The following PTPN23 variants were observed in gnomAD, a reference collection of about 807,000 sequenced individuals.
PTPN23 encodes the protein tyrosine-protein phosphatase non-receptor type 23.
A neutral mutation model predicts 156.3 loss-of-function variants in PTPN23; 72 were observed. The ratio of observed to expected loss-of-function variants is 0.46; its 90% confidence interval spans 0.38 to 0.56. PTPN23 has a LOEUF of 0.56. Among genes scored for constraint, PTPN23 ranks in the 20% least tolerant of loss-of-function variants. The probability of loss-of-function intolerance (pLI) is 0.00; values close to 1 mark genes in which losing one functional copy is unlikely to be tolerated. For missense variants in PTPN23, 1,974 were observed against 2,171.5 expected, an observed-to-expected ratio of 0.91 and a Z score of 1.81; for synonymous variants, 957 against 899.6, an observed-to-expected ratio of 1.06 and a Z score of -1.14.
chr3:47,388,550 A>G (rs1045624758), intron 1 of PTPN23, among the ~76,000 whole-genome samples: 16 of 152,294 alleles, frequency 1.1e-4, no homozygotes, highest in African/African-American at 3.6e-4. Flanking sequence ...AGTATCCATT[A>G]CCACAAGCAT....
Position 47,411,971 on chromosome 3 carries a change from A to G in PTPN23, c.4073+4A>G, listed in dbSNP as rs761958861. 6.2e-7 allele frequency: 1 copy of G among 1,610,302 alleles called. No homozygotes were observed. The highest frequency in any genetic ancestry group is 1.1e-5 in the South Asian group (1 of 90,578). On this transcript the variant is annotated splice_donor_region_variant and intron_variant, in intron 21 of 24. Coordinates refer to ENST00000265562, the MANE Select transcript of PTPN23 (RefSeq NM_015466.4). This position sits in a 1 kb window ranked among gnomAD's most constrained non-coding sequence, Gnocchi z 6.3. ...ACTTCCCCACTTGGCCTGAGTTGTG[A>G]GTCCACTGCTCTGGATGGTGGTTGG...
In PTPN23 at chr3:47,381,199, T is replaced by A; in HGVS notation, c.84+19T>A. 1 of 1,566,404 alleles carries A rather than the reference T, an allele frequency of 6.4e-7. No homozygotes were observed. Among genetic ancestry groups the A allele is most frequent in the Non-Finnish European group, 8.7e-7 (1 of 1,156,012 alleles). On this transcript the variant is annotated intron_variant, in intron 1 of 24. Coordinates refer to ENST00000265562, the MANE Select transcript of PTPN23 (RefSeq NM_015466.4). ...GAAGAAGGTGAGCTTGCCTTCCATC[T>A]TCCCCCCTATCCGCCGCGTATCTCC... is the stretch of plus-strand genomic sequence containing the variant.
rs1704571843 is a variant in PTPN23 at position 47,382,691 on chromosome 3, T to TC, written c.84+1511_84+1512insC. Reference sequence around the variant, plus strand: ...TTTCTTTTTCTTTTCTTTTTTTTTTTTTTTTTTTTTTTTTTGAGACGGAGT... The same window carrying TC: ...TTTCTTTTTCTTTTCTTTTTTTTTTTCTTTTTTTTTTTTTTTGAGACGGAGT... On this transcript the variant is annotated intron_variant, in intron 1 of 24. Coordinates refer to ENST00000265562, the MANE Select transcript of PTPN23 (RefSeq NM_015466.4). Among the ~76,000 whole-genome samples, 4 of 104,664 alleles carry TC rather than the reference T, an allele frequency of 3.8e-5. 1 individual carries two copies. Among genetic ancestry groups the TC allele is most frequent in the Admixed American group, 1.9e-4 (2 of 10,292 alleles). 68.7% of individuals were successfully genotyped at this position (104,664 alleles called of 152,430 possible).
In PTPN23 at chr3:47,409,318, G is replaced by C. The variant is rs918965590; in HGVS notation, c.1797+1G>C. ...CACCACAGACCACTCAGAGATGAAG[G>C]TGGGCTGGGTGAGCAGGGTAGAGGG... On this transcript the variant is annotated splice_donor_variant, in intron 17 of 24. Coordinates refer to ENST00000265562, the MANE Select transcript of PTPN23 (RefSeq NM_015466.4). LOFTEE classifies it high-confidence loss of function. The C allele has an allele frequency of 1.2e-6, 2 of 1,613,874 alleles. No individual in the cohort carries two copies. Among genetic ancestry groups the C allele is most frequent in the African/African-American group, 1.3e-5 (1 of 74,934 alleles).
chr3:47,399,906 C>T (rs931293851), intron 2 of PTPN23, among the ~76,000 whole-genome samples: 4 of 152,204 alleles, frequency 2.6e-5, no homozygotes, highest in African/African-American at 9.6e-5. Context: ...CGTCTGCCTC[C>T]TGGATTCAAG....
chr3:47,412,122 C>G lies in PTPN23; in HGVS notation c.4102C>G (p.Leu1368Val), dbSNP rs763691996. ...CCTGCCCGACAGCCCCAGCAACTTG[C>G]TGCGCTTCATCCAGGAGGTGCACGC... ...LGLPDSPSNL[L>V]RFIQEVHAHY... is the part of the protein sequence containing the mutation. Residue 1368 changes from leucine to valine, a missense_variant, in exon 22 of 25, where the codon CTG (leucine) becomes GTG (valine). Leu to Val is a conservative substitution (Grantham distance 32). Around this residue, in one of 4 missense-constraint regions of PTPN23, gnomAD observed 484 missense variants for 516.0 expected, o/e 0.94. Coordinates refer to ENST00000265562, the MANE Select transcript of PTPN23 (RefSeq NM_015466.4). 5.6e-6 allele frequency: 9 copies of G among 1,613,020 alleles called. No individual in the cohort carries two copies. In the African/African-American group the frequency reaches 1.1e-4, roughly 19 times the overall value.
chr3:47,412,101 C>T lies in PTPN23; in HGVS notation c.4081C>T (p.Pro1361Ser), dbSNP rs773464383. Residue 1361 changes from proline (P) to serine (S), a missense_variant, in exon 22 of 25, where the codon CCC becomes TCC. Physicochemically the swap from Pro to Ser is moderately conservative, Grantham distance 74. Coordinates refer to ENST00000265562, the MANE Select transcript of PTPN23 (RefSeq NM_015466.4). ...CCCCATCCTGTCCCACAGAGGCCTG[C>T]CCGACAGCCCCAGCAACTTGCTGCG... is the stretch of plus-strand genomic sequence containing the variant. ...HFPTWPELGL[P>S]DSPSNLLRFI... is the part of the protein sequence containing the mutation. 6.2e-7 allele frequency: 1 copy of T among 1,613,030 alleles called. No individual in the cohort carries two copies. Among genetic ancestry groups the T allele is most frequent in the Admixed American group, 1.7e-5 (1 of 60,018 alleles).
In PTPN23 at chr3:47,412,611, C is replaced by G. The variant is rs746565994; in HGVS notation, c.4415C>G (p.Ala1472Gly). The G allele has an allele frequency of 6.2e-7, 1 of 1,613,436 alleles. No homozygotes were observed. The change falls in exon 24 of 25, where the codon GCA (alanine) becomes GGA (glycine). Residue 1472 changes from alanine (A) to glycine (G), a missense_variant. By Grantham distance (60) the Ala-to-Gly change is moderately conservative. Around this residue, in one of 4 missense-constraint regions of PTPN23, gnomAD observed 484 missense variants for 516.0 expected, o/e 0.94. Transcript: ENST00000265562. ...VPPPCKPLAS[A>G]SISQKNHLPQ... ...CCTCCATGCAAACCCTTGGCCAGTG[C>G]AAGCATCAGCCAGAAGGTGAGGAAG...
intron 2 of PTPN23, among the ~76,000 whole-genome samples, chr3:47,398,784 CA>C (rs967180082): frequency 6.6e-6 from 1 of 152,178 alleles, no homozygotes; most frequent in African/African-American, 2.4e-5. Flanking sequence ...AGGCTGGTCT[CA>C]AACTCCTGGG....
Position 47,408,803 on chromosome 3 carries a change from A to G in PTPN23, c.1358A>G (p.Glu453Gly), listed in dbSNP as rs1286709119. The G allele has an allele frequency of 3.7e-6, 6 of 1,606,490 alleles. No homozygotes were observed. The South Asian group carries it at 6.7e-5, about 18-fold the overall frequency. Residue 453 changes from glutamate to glycine, a missense_variant, in exon 16 of 25, where the codon GAG (glutamate) becomes GGG (glycine). Physicochemically the swap from Glu to Gly is moderately conservative, Grantham distance 98 (BLOSUM62 -2). This residue lies in a region of PTPN23 where 726 missense variants were observed against 929.5 expected (regional missense o/e 0.78). Transcript: ENST00000265562. ...QVLSGVFTDVEASLKDIRDLL... is the reference protein window; with the variant it reads ...QVLSGVFTDVGASLKDIRDLL... ...CTGTCAGGTGTGTTCACGGATGTGG[A>G]GGCTTCCCTGAAGGACATCAGAGAT...
At chr3:47,401,304 T>G (rs988924913) in intron 2 of PTPN23, among the ~76,000 whole-genome samples, 6 of 152,166 alleles carry the variant, frequency 3.9e-5, no homozygotes, top group African/African-American at 1.4e-4. Flanking sequence ...GCTCAATCAC[T>G]TCTCCCCCTT....
chr3:47,410,162 A>G lies in PTPN23; in HGVS notation c.2364A>G (p.Ser788=). ...SSTGPGPHYL[S]GPLPPGTYSG... ...CAGGCCCAGGACCCCACTATCTCTCAGGCCCCTTGCCCCCTGGTACCTACT... is the reference window on the plus strand; with the variant it reads ...CAGGCCCAGGACCCCACTATCTCTCGGGCCCCTTGCCCCCTGGTACCTACT... Residue 788 remains serine, a synonymous_variant, in exon 20 of 25, where the codon TCA becomes TCG. Transcript: ENST00000265562. 6.3e-7 allele frequency: 1 copy of G among 1,593,218 alleles called. No homozygotes were observed. The highest frequency in any genetic ancestry group is 8.6e-7 in the Non-Finnish European group (1 of 1,168,734).
Position 47,405,122 on chromosome 3 carries a change from C to A in PTPN23, c.364+41C>A, listed in dbSNP as rs1705091641. ...CCTTCCCCCGGCCCTACTCCCCAGT[C>A]CTGCCAGCCTAGCTTTCAGCTCTTC... On this transcript the variant is annotated intron_variant, in intron 4 of 24. Transcript: ENST00000265562. This position sits in a 1 kb window ranked among gnomAD's most constrained non-coding sequence, Gnocchi z 4.7. 1.3e-6 allele frequency: 2 copies of A among 1,583,372 alleles called. No homozygotes were observed. The highest frequency in any genetic ancestry group is 4.5e-5 in the East Asian group (2 of 44,730).
rs1477092956 is a variant in PTPN23, at chr3:47,410,639, AGCCCCAAGGATTGG to A, written c.2848_2861del (p.Arg950AlafsTer127). On this transcript the variant is annotated frameshift_variant, in exon 20 of 25. Coordinates refer to ENST00000265562, the MANE Select transcript of PTPN23 (RefSeq NM_015466.4). LOFTEE classifies it high-confidence loss of function. ...CTTCTGGGATCCCCGCAGGTTTTCCAGCCCCAAGGATTGGGCCCCAGCCCCAGCCCCATCCTCAG... is the reference window on the plus strand; with the variant it reads ...CTTCTGGGATCCCCGCAGGTTTTCCAGCCCCAGCCCCAGCCCCATCCTCAG... 6.2e-7 allele frequency: 1 copy of A among 1,610,420 alleles called. No individual in the cohort carries two copies. The highest frequency in any genetic ancestry group is 1.3e-5 in the African/African-American group (1 of 74,212).
Position 47,412,332 on chromosome 3 carries a change from C to T in PTPN23, c.4228C>T (p.Gln1410Ter). Reference sequence around the variant, plus strand: ...CTTTGCACTGCTCTATGCAGCTGTGCAGGAGGTGGAGGCTGGGAACGGAAT... The same window carrying T: ...CTTTGCACTGCTCTATGCAGCTGTGTAGGAGGTGGAGGCTGGGAACGGAAT... Reference protein sequence around the residue: ...GAFALLYAAVQEVEAGNGIPE... With the variant: ...GAFALLYAAV Residue 1410 changes from glutamine to a stop codon, truncating the protein, a stop_gained, in exon 23 of 25, where the codon CAG (glutamine) becomes TAG (stop). Coordinates refer to ENST00000265562, the MANE Select transcript of PTPN23 (RefSeq NM_015466.4). LOFTEE classifies it high-confidence loss of function. 6.2e-7 allele frequency: 1 copy of T among 1,613,392 alleles called. No individual in the cohort carries two copies. The highest frequency in any genetic ancestry group is 8.5e-7 in the Non-Finnish European group (1 of 1,180,034).
Position 47,411,562 on chromosome 3 carries a change from A to G in PTPN23, c.3764A>G (p.Tyr1255Cys). ...AGCTGCGTGGAGGGGCTCTCCCCAT[A>G]CTGCCCCCCGCTAGTGGCAACCCAG... ...NASCVEGLSP[Y>C]CPPLVATQAP... is the part of the protein sequence containing the mutation. Residue 1255 changes from tyrosine (Y) to cysteine (C), a missense_variant, in exon 20 of 25, where the codon TAC becomes TGC. Around this residue, in one of 4 missense-constraint regions of PTPN23, gnomAD observed 484 missense variants for 516.0 expected, o/e 0.94. Transcript: ENST00000265562. This position sits in a 1 kb window ranked among gnomAD's most constrained non-coding sequence, Gnocchi z 6.3. 1.2e-6 allele frequency: 2 copies of G among 1,612,418 alleles called. No homozygotes were observed. The highest frequency in any genetic ancestry group is 1.7e-6 in the Non-Finnish European group (2 of 1,179,908).
At chr3:47,404,903 G>C (rs992769987) in intron 3 of PTPN23, 102 bp from the exon 4 acceptor site, 1 of 1,585,178 alleles carries the variant, frequency 6.3e-7, no homozygotes, top group African/African-American at 1.3e-5. Context: ...GGTCCCCCCA[G>C]GCCTCCCCAC....
At chr3:47,403,389 A>G (rs546284744) in intron 2 of PTPN23, among the ~76,000 whole-genome samples, 1 of 151,734 alleles carries the variant, frequency 6.6e-6, no homozygotes, top group Non-Finnish European at 1.5e-5. Flanking sequence ...ATAGCATGCC[A>G]TAGGCATCTT....
At chr3:47,391,430 G>A (rs1290691344) in intron 1 of PTPN23, among the ~76,000 whole-genome samples, 1 of 152,164 alleles carries the variant, frequency 6.6e-6, no homozygotes, top group African/African-American at 2.4e-5. Flanking sequence ...TTCCTCATCT[G>A]TAAAGTGGTG....
Sources: allele counts gnomAD v4.1 joint callset (sites outside exome capture counted in the v4.1 genomes callset), GRCh38; gene constraint gnomAD v4.1.1; regional missense constraint gnomAD v4.1.1; non-coding constraint Gnocchi (gnomAD v3.1); transcripts MANE v1.5; gene names NCBI Gene and HGNC (gene_info 2026-07-23, HGNC 2026-07-21).